The following TFEB variants were observed in gnomAD, a reference collection of about 807,000 sequenced individuals.
TFEB encodes T-cell transcription factor EB.
A neutral mutation model predicts 48.0 loss-of-function variants in TFEB; 12 were observed. That is an observed-to-expected ratio of 0.25 (90% confidence interval 0.16 to 0.40). The LOEUF is 0.40. Among genes scored for constraint, TFEB ranks in the 10% least tolerant of loss-of-function variants. The pLI is 1.00. For missense variants in TFEB, 509 were observed against 640.3 expected (o/e 0.79, Z 2.21); for synonymous variants, 244 against 261.4 (o/e 0.93, Z 0.64).
chr6:41,697,341 G>C (rs2127453643), intron 1 of TFEB, among the ~76,000 whole-genome samples: 2 of 140,132 alleles, frequency 1.4e-5, no homozygotes, highest in Admixed American at 1.5e-4. Context: ...CCGGGAGGCA[G>C]AGGTTGCAGT....
intron 8 of TFEB, 45 bp downstream of exon 8, chr6:41,686,045 G>C (rs764311063): frequency 1.2e-6 from 2 of 1,612,824 alleles, no homozygotes; most frequent in South Asian, 2.2e-5. Context: ...CAGGAGCCAG[G>C]TTAAGGGTCA....
At chr6:41,727,433 G>A (rs1201147536) in intron 1 of TFEB, among the ~76,000 whole-genome samples, 1 of 152,206 alleles carries the variant, frequency 6.6e-6, no homozygotes, top group Non-Finnish European at 1.5e-5. Context: ...GCTCACGCCT[G>A]TAATCTTAAC....
At chr6:41,687,008 T>G in intron 7 of TFEB, 86 bp downstream of exon 7, 1 of 1,131,558 alleles carries the variant, frequency 8.8e-7, no homozygotes, top group South Asian at 1.3e-5. Flanking sequence ...CCCATCCTAG[T>G]AACTAGCATG....
chr6:41,733,676 A>G, intron 1 of TFEB: 1 of 985,314 alleles, frequency 1.0e-6, no homozygotes, highest in Non-Finnish European at 1.2e-6. Context: ...TCAGGTTAGC[A>G]GGCAGGGACC....
At chr6:41,735,206 G>A (rs1037699558) in intron 1 of TFEB, 144 bp downstream of exon 1, 1 of 901,988 alleles carries the variant, frequency 1.1e-6, no homozygotes, top group Non-Finnish European at 1.3e-6. Context: ...CGGGTGGGTG[G>A]CGGCGCGCAC....
chr6:41,707,898 G>A (rs528119389), intron 1 of TFEB, among the ~76,000 whole-genome samples: 35 of 152,340 alleles, frequency 2.3e-4, no homozygotes, highest in African/African-American at 7.2e-4. Context: ...AGAGGCAGGC[G>A]CAGTGACAGA....
chr6:41,735,651 G>C, upstream of TFEB: 1 of 800,678 alleles, frequency 1.2e-6, no homozygotes, highest in Non-Finnish European at 1.5e-6. Flanking sequence ...CACCCGCCCC[G>C]CCTCCCAGCC....
Position 41,734,833 on chromosome 6 carries a change from C to G in TFEB, c.-23+517G>C. Reference sequence around the variant, plus strand: ...CATCAGCCCAGCCCCCGGGGCGTGGCGCCGCTCTGGCCCTCCCACTCCCCC... The same window carrying G: ...CATCAGCCCAGCCCCCGGGGCGTGGGGCCGCTCTGGCCCTCCCACTCCCCC... On this transcript the variant is annotated intron_variant, in intron 1 of 8. Transcript: ENST00000373033. The surrounding 1 kb of genome is among the most constrained non-coding windows in gnomAD (Gnocchi z 4.0). 3.4e-6 allele frequency: 3 copies of G among 880,442 alleles called. No individual in the cohort carries two copies. The highest frequency in any genetic ancestry group is 4.1e-6 in the Non-Finnish European group (3 of 734,958). 54.5% of individuals were successfully genotyped at this position (880,442 alleles called of 1,614,324 possible). A position where few individuals can be genotyped will look rare whatever the true frequency, so the allele number is the denominator to read the frequency against.
intron 1 of TFEB, among the ~76,000 whole-genome samples, chr6:41,708,109 G>A (rs535060191): frequency 2.0e-5 from 3 of 152,336 alleles, no homozygotes; most frequent in Admixed American, 2.0e-4. Flanking sequence ...CATGGCAGGC[G>A]CCTCAGCCGC....
chr6:41,686,423 T>C (rs769128695), intron 7 of TFEB, 186 bp from the exon 8 acceptor site: 1 of 606,362 alleles, frequency 1.6e-6, no homozygotes, highest in South Asian at 2.4e-5. Context: ...CTGTTGCCAC[T>C]GCCCACTTCA....
intron 8 of TFEB, among the ~76,000 whole-genome samples, chr6:41,685,348 C>CTAGACTAGAATAGAAATTAT: frequency 6.6e-6 from 1 of 152,232 alleles, no homozygotes; most frequent in East Asian, 1.9e-4. Context: ...CTTGTCTAGA[C>CTAGACTAGAATAGAAATTAT]TAGACTAGAA....
intron 1 of TFEB, among the ~76,000 whole-genome samples, chr6:41,700,708 G>A (rs897563997): frequency 3.9e-5 from 6 of 152,274 alleles, no homozygotes; most frequent in Non-Finnish European, 7.4e-5. Context: ...GTGGGGAGGA[G>A]GGAAAGGAAG....
At chr6:41,704,209 AC>A (rs1295050301) in intron 1 of TFEB, among the ~76,000 whole-genome samples, 1 of 152,138 alleles carries the variant, frequency 6.6e-6, no homozygotes, top group Non-Finnish European at 1.5e-5. Flanking sequence ...CTCCACCTCC[AC>A]CACGTCATCT....
At chr6:41,718,284 C>A (rs1770823786) in intron 1 of TFEB, among the ~76,000 whole-genome samples, 1 of 152,120 alleles carries the variant, frequency 6.6e-6, no homozygotes, top group Non-Finnish European at 1.5e-5. Context: ...TCACAGCGCA[C>A]TGCAGCCTCA....
chr6:41,695,714 G>A (rs917091555), intron 1 of TFEB, among the ~76,000 whole-genome samples: 4 of 152,228 alleles, frequency 2.6e-5, no homozygotes, highest in Non-Finnish European at 5.9e-5. Flanking sequence ...GCAATGGAGG[G>A]GGAGGGATAA....
At chr6:41,715,686 A>AG (rs1561867615) in intron 1 of TFEB, among the ~76,000 whole-genome samples, 2 of 152,116 alleles carry the variant, frequency 1.3e-5, no homozygotes, top group African/African-American at 4.8e-5. Flanking sequence ...GAAAAAAAAA[A>AG]AAAAAGTCTC....
chr6:41,684,939 G>T lies in TFEB; in HGVS notation c.1091C>A (p.Ala364Asp), dbSNP rs764174709. ...CAGTGGCTCAGGGTCAGGGACCTCA[G>T]CCCCCAGCATCAGGGCCTCCCCTGG... ...EGPGEALMLG[A>D]EVPDPEPLPA... Residue 364 changes from alanine to aspartate, a missense_variant, in exon 9 of 9, where the codon GCT (alanine) becomes GAT (aspartate). Physicochemically the swap from Ala to Asp is moderately radical, Grantham distance 126. This residue lies in a region of TFEB where 168 missense variants were observed against 161.0 expected (regional missense o/e 1.04). Transcript: ENST00000373033. 6.3e-7 allele frequency: 1 copy of T among 1,587,150 alleles called. No homozygotes were observed. Among genetic ancestry groups the T allele is most frequent in the Non-Finnish European group, 8.6e-7 (1 of 1,166,900 alleles).
chr6:41,702,955 G>A (rs1334184297), intron 1 of TFEB, among the ~76,000 whole-genome samples: 3 of 152,218 alleles, frequency 2.0e-5, no homozygotes, highest in Non-Finnish European at 4.4e-5. Flanking sequence ...TGTGCTGATG[G>A]TTCTGGCAGC....
At chr6:41,721,535 C>T (rs1020072783) in intron 1 of TFEB, among the ~76,000 whole-genome samples, 1 of 152,054 alleles carries the variant, frequency 6.6e-6, no homozygotes, top group Non-Finnish European at 1.5e-5. Context: ...AATTAGGGTC[C>T]AATTAGTGGC....
Sources: gnomAD v4.1 joint callset for allele counts (sites outside exome capture counted in the v4.1 genomes callset) on GRCh38, gnomAD v4.1.1 for gene constraint, gnomAD v4.1.1 regional missense constraint, Gnocchi (gnomAD v3.1) non-coding constraint, MANE v1.5 for transcripts, NCBI Gene and HGNC (gene_info 2026-07-23, HGNC 2026-07-21) for gene names.